Variants in NREP observed in about 807,000 individuals in gnomAD.
NREP encodes neuronal regeneration-related protein.
A neutral mutation model predicts 8.6 loss-of-function variants in NREP; 5 were observed. The ratio of observed to expected loss-of-function variants is 0.58; its 90% CI spans 0.30 to 1.22. The LOEUF (loss-of-function observed/expected upper bound fraction) is 1.22, where lower values mean the gene tolerates loss of function less well. Among genes scored for constraint, NREP ranks in the 50% most tolerant of loss-of-function variants. The pLI, the probability that NREP is intolerant of heterozygous loss-of-function variation, is 0.07. For missense variants in NREP, 86 were observed against 82.5 expected (o/e 1.04, Z -0.17); for synonymous variants, 27 against 28.0 (o/e 0.96, Z 0.11).
intron 2 of NREP, among the ~76,000 whole-genome samples, chr5:111,750,760 G>T (rs950204213): frequency 2.6e-5 from 4 of 152,202 alleles, no homozygotes; most frequent in African/African-American, 9.7e-5. Context: ...CTTGGGTCCA[G>T]GCTGCAGGAA....
upstream of NREP, chr5:111,757,661 G>A (rs1750817827): frequency 2.0e-6 from 2 of 983,326 alleles, no homozygotes; most frequent in African/African-American, 3.5e-5. Flanking sequence ...CGCTCGCCGC[G>A]CCGTCCCCAC....
intron 2 of NREP, among the ~76,000 whole-genome samples, chr5:111,736,566 T>C (rs1749138887): frequency 6.6e-6 from 1 of 152,196 alleles, no homozygotes; most frequent in African/African-American, 2.4e-5. Flanking sequence ...GGTAACCTAA[T>C]CATTGAGTTG....
rs1453720538 is a variant in NREP, at chr5:111,729,840, T to A, written c.*1081A>T. 6.6e-6 allele frequency: 1 copy of A among 152,660 alleles called. No homozygotes were observed. The highest frequency in any genetic ancestry group is 2.1e-4 in the South Asian group (1 of 4,822). The allele number at this position is 152,660 out of a possible 1,614,324, so 9.5% of individuals were successfully genotyped here. A position where few individuals can be genotyped will look rare whatever the true frequency, so the allele number is the denominator to read the frequency against. On this transcript the variant is annotated 3_prime_UTR_variant, in exon 4 of 4. Transcript: ENST00000257435. ...TGCTCTGCCTTTTAAAAAAGTATCA[T>A]GATTTTGTAGACCTTGTTTTCCAAT...
At chr5:111,853,649 A>G (rs1420733139) in intron 2 of NREP, among the ~76,000 whole-genome samples, 1 of 152,120 alleles carries the variant, frequency 6.6e-6, no homozygotes, top group Non-Finnish European at 1.5e-5. Flanking sequence ...TCCTTCCTAT[A>G]AAAACAACCA....
intron 3 of NREP, chr5:111,733,068 A>C (rs1428452649): frequency 6.6e-6 from 1 of 152,230 alleles, no homozygotes; most frequent in Non-Finnish European, 1.5e-5. Context: ...TCCAGAAAAA[A>C]AGAAAGTGAC....
At chr5:111,815,516 T>C (rs1480242603) in intron 2 of NREP, among the ~76,000 whole-genome samples, 1 of 152,050 alleles carries the variant, frequency 6.6e-6, no homozygotes, top group Admixed American at 6.5e-5. Context: ...ATCGTAAATA[T>C]ATTGAAGAAA....
At chr5:111,878,288 T>C (rs911966203) in intron 2 of NREP, among the ~76,000 whole-genome samples, 3 of 152,234 alleles carry the variant, frequency 2.0e-5, no homozygotes, top group East Asian at 1.9e-4. Context: ...AGAGGTTTAA[T>C]TGACTCATAG....
chr5:111,748,224 C>A (rs748167829), intron 2 of NREP, among the ~76,000 whole-genome samples: 2 of 152,248 alleles, frequency 1.3e-5, no homozygotes, highest in East Asian at 3.9e-4. Context: ...TTGTAGTGTG[C>A]TTAGATCTCA....
intron 2 of NREP, among the ~76,000 whole-genome samples, chr5:111,809,785 A>G (rs1215245106): frequency 6.6e-6 from 1 of 152,138 alleles, no homozygotes; most frequent in African/African-American, 2.4e-5. Flanking sequence ...TGTTATAACA[A>G]TACAAAATGG....
chr5:111,949,502 T>C (rs1419393347), intron 2 of NREP, among the ~76,000 whole-genome samples: 1 of 152,100 alleles, frequency 6.6e-6, no homozygotes, highest in Non-Finnish European at 1.5e-5. Flanking sequence ...TATATTACTT[T>C]AAGTTCTGGG....
At chr5:111,882,657 A>C (rs948743160) in intron 2 of NREP, among the ~76,000 whole-genome samples, 1 of 152,212 alleles carries the variant, frequency 6.6e-6, no homozygotes, top group Non-Finnish European at 1.5e-5. Flanking sequence ...CAAGCCAGAA[A>C]AGAGTGGGGG....
At chr5:111,967,574 T>C (rs1425407888) in intron 2 of NREP, among the ~76,000 whole-genome samples, 1 of 152,218 alleles carries the variant, frequency 6.6e-6, no homozygotes, top group Non-Finnish European at 1.5e-5. Flanking sequence ...GCTTCTTTGC[T>C]CCAGCCAAGG....
At chr5:111,849,792 G>A (rs183297085) in intron 2 of NREP, among the ~76,000 whole-genome samples, 205 of 152,180 alleles carry the variant, frequency 1.3e-3, no homozygotes, top group Non-Finnish European at 1.6e-3. Flanking sequence ...GTGGCCATGG[G>A]ATCTAAACTG....
chr5:111,784,839 C>T (rs1425096363), intron 2 of NREP, among the ~76,000 whole-genome samples: 2 of 152,118 alleles, frequency 1.3e-5, no homozygotes, highest in African/African-American at 4.8e-5. Flanking sequence ...TCAAGGTTCC[C>T]AATCATCACT....
At chr5:111,843,320 AGT>A (rs1753078658) in intron 2 of NREP, among the ~76,000 whole-genome samples, 1 of 151,682 alleles carries the variant, frequency 6.6e-6, no homozygotes, top group African/African-American at 2.4e-5. Flanking sequence ...TGCTTGATTA[AGT>A]TTACTGTGGA....
chr5:111,742,363 T>C (rs1749737429), intron 2 of NREP, among the ~76,000 whole-genome samples: 1 of 152,128 alleles, frequency 6.6e-6, no homozygotes, highest in African/African-American at 2.4e-5. Flanking sequence ...ACCTGACAGC[T>C]GTGGAATTTT....
chr5:111,918,335 T>C (rs543295082), intron 2 of NREP, among the ~76,000 whole-genome samples: 18 of 152,298 alleles, frequency 1.2e-4, no homozygotes, highest in African/African-American at 4.1e-4. Flanking sequence ...CTGACTTTCC[T>C]CACAGAATTA....
At chr5:111,920,429 T>C (rs1268356128) in intron 2 of NREP, among the ~76,000 whole-genome samples, 1 of 152,134 alleles carries the variant, frequency 6.6e-6, no homozygotes, top group African/African-American at 2.4e-5. Context: ...CTGCATGCAT[T>C]AGCTATTTGT....
chr5:111,796,250 G>C (rs1751870746), intron 2 of NREP, among the ~76,000 whole-genome samples: 1 of 152,046 alleles, frequency 6.6e-6, no homozygotes, highest in Non-Finnish European at 1.5e-5. Flanking sequence ...TCTAGCTCCT[G>C]TCCTCACACC....
Sources: allele counts gnomAD v4.1 joint callset (sites outside exome capture counted in the v4.1 genomes callset), GRCh38; gene constraint gnomAD v4.1.1; transcripts MANE v1.5; gene names NCBI Gene and HGNC (gene_info 2026-07-23, HGNC 2026-07-21).